SMTN: variants seen among roughly 807,000 people sequenced by gnomAD.
The protein encoded by SMTN is smoothelin.
SMTN carries 58 observed loss-of-function variants against 102.0 expected under a neutral mutation model. The ratio of observed to expected loss-of-function variants is 0.57; its 90% CI spans 0.46 to 0.71. SMTN has a LOEUF of 0.71. Ranked by LOEUF, SMTN falls within the 30% of genes least tolerant of loss-of-function variation. SMTN has a pLI of 0.00. For missense variants in SMTN, 1,185 were observed against 1,241.7 expected (o/e 0.95, Z 0.69); for synonymous variants, 478 against 497.9 (o/e 0.96, Z 0.53).
At position 31,098,640 on chromosome 22, in the gene SMTN, C is replaced by A. The variant is rs1462810418; in HGVS notation, c.2160-27C>A. On this transcript the variant is annotated intron_variant, in intron 16 of 20. Coordinates refer to ENST00000333137, the MANE Select transcript of SMTN (RefSeq NM_134269.3). ...CTGGGGAGCAGCCCTGCTCTCCCTG[C>A]CTAACATGCGCCTCCCCAACCCCTA... 1.9e-6 allele frequency: 3 copies of A among 1,609,324 alleles called. No homozygotes were observed. The South Asian group carries it at 3.3e-5, about 18-fold the overall frequency.
intron 11 of SMTN, chr22:31,092,493 G>T: frequency 2.1e-6 from 1 of 471,216 alleles, no homozygotes; most frequent in Non-Finnish European, 4.4e-6. Context: ...GAGCTCAGCC[G>T]GGAAAGGGAT....
At chr22:31,092,892 T>C (rs1372857184) in intron 11 of SMTN, among the ~76,000 whole-genome samples, 1 of 152,218 alleles carries the variant, frequency 6.6e-6, no homozygotes, top group African/African-American at 2.4e-5. Context: ...AGGGCATTTA[T>C]GTAAGACCAA....
In SMTN at chr22:31,091,209, G is replaced by A. The variant is rs116212683; in HGVS notation, c.1186G>A (p.Glu396Lys). The A allele has an allele frequency of 4.0e-5, 65 of 1,612,174 alleles. No homozygotes were observed. Among genetic ancestry groups the A allele is most frequent in the Non-Finnish European group, 5.5e-5 (65 of 1,179,392 alleles). ...PSDTSSRFSK[E>K]QRGVAQPLAQ... is the part of the protein sequence containing the mutation. ...TGATACCTCCTCCCGGTTCAGCAAG[G>A]AGCAACGAGGAGTAGCCCAGCCCCT... Residue 396 changes from glutamate to lysine, a missense_variant, in exon 10 of 21, where the codon GAG becomes AAG. By Grantham distance (56) the Glu-to-Lys change is moderately conservative (BLOSUM62 1). Transcript: ENST00000333137.
At chr22:31,104,245 C>A in intron 20 of SMTN, 71 bp from the exon 21 acceptor site, 3 of 1,563,762 alleles carry the variant, frequency 1.9e-6, no homozygotes, top group Non-Finnish European at 2.6e-6. Flanking sequence ...ATAAAAAAGA[C>A]CTTGGGGTAG....
chr22:31,077,678 T>G (rs1337071268), upstream of SMTN, among the ~76,000 whole-genome samples: 5 of 152,134 alleles, frequency 3.3e-5, no homozygotes, highest in African/African-American at 1.2e-4. Context: ...TCCTTCCTGT[T>G]CCAGCCCCTT....
chr22:31,089,210 T>A (rs918468099), intron 6 of SMTN, among the ~76,000 whole-genome samples: 6 of 152,206 alleles, frequency 3.9e-5, no homozygotes, highest in Non-Finnish European at 5.9e-5. Flanking sequence ...TTACCTTGGC[T>A]TATGGGGCCT....
In SMTN at chr22:31,087,958, A is replaced by C; in HGVS notation, c.52-7A>C. The C allele has an allele frequency of 1.3e-6, 2 of 1,582,652 alleles. 1 individual carries two copies. Among genetic ancestry groups the C allele is most frequent in the South Asian group, 2.3e-5 (2 of 88,484 alleles). On this transcript the variant is annotated splice_region_variant and splice_polypyrimidine_tract_variant and intron_variant, in intron 2 of 20. Coordinates refer to ENST00000333137, the MANE Select transcript of SMTN (RefSeq NM_134269.3). Reference sequence around the variant, plus strand: ...CCAAAATGACCTGCCTCTCGCACCCACTGCAGCTGGAGGTCACAGCAGATC... The same window carrying C: ...CCAAAATGACCTGCCTCTCGCACCCCCTGCAGCTGGAGGTCACAGCAGATC...
chr22:31,104,267 G>C, intron 20 of SMTN, 49 bp from the exon 21 acceptor site: 1 of 1,592,528 alleles, frequency 6.3e-7, no homozygotes, highest in Non-Finnish European at 8.6e-7. Context: ...GGGGCGCCAC[G>C]AGAGGCGGGT....
chr22:31,069,721 T>C (rs1250647668), intron 1 of SMTN, among the ~76,000 whole-genome samples: 1 of 152,138 alleles, frequency 6.6e-6, no homozygotes, highest in Non-Finnish European at 1.5e-5. Context: ...CCTAACTGTG[T>C]GCATGGCTCT....
chr22:31,095,402 C>T lies in SMTN; in HGVS notation c.1732C>T (p.Leu578=). ...VNKAPEGRSP[L]SAEELMTIED... is the part of the protein sequence containing the mutation. ...CAAAGCACCAGAAGGGCGGAGCCCTCTGAGCGCTGAGGAGCTGATGACTAT... is the reference window on the plus strand; with the variant it reads ...CAAAGCACCAGAAGGGCGGAGCCCTTTGAGCGCTGAGGAGCTGATGACTAT... Residue 578 remains leucine, a synonymous_variant, in exon 12 of 21, where the codon CTG becomes TTG. Coordinates refer to ENST00000333137, the MANE Select transcript of SMTN (RefSeq NM_134269.3). This position sits in a 1 kb window ranked among gnomAD's most constrained non-coding sequence, Gnocchi z 4.1. 1 of 1,614,250 alleles carries T rather than the reference C, an allele frequency of 6.2e-7. No individual in the cohort carries two copies. Among genetic ancestry groups the T allele is most frequent in the Non-Finnish European group, 8.5e-7 (1 of 1,180,038 alleles).
At chr22:31,065,258 T>C (rs530509252) in intron 1 of SMTN, 2 of 152,338 alleles carry the variant, frequency 1.3e-5, no homozygotes, top group South Asian at 2.1e-4. Flanking sequence ...TCTTTTATAA[T>C]TTTATAATAA....
At chr22:31,087,805 TA>T (rs2042805325) in intron 2 of SMTN, 159 bp from the exon 3 acceptor site, 4 of 665,962 alleles carry the variant, frequency 6.0e-6, no homozygotes, top group Non-Finnish European at 9.6e-6. Context: ...GGGCTGGGTC[TA>T]CCCCCGGGAC....
rs1174773737 is a variant in SMTN at position 31,098,652 on chromosome 22, C to T, written c.2160-15C>T. ...CCTGCTCTCCCTGCCTAACATGCGC[C>T]TCCCCAACCCCTAGCATCTTCGACC... On this transcript the variant is annotated splice_polypyrimidine_tract_variant and intron_variant, in intron 16 of 20. Transcript: ENST00000333137. 31 of 1,610,998 alleles carry T rather than the reference C, an allele frequency of 1.9e-5. No individual in the cohort carries two copies. Among genetic ancestry groups the T allele is most frequent in the Non-Finnish European group, 2.5e-5 (30 of 1,178,406 alleles).
At chr22:31,093,511 G>T in intron 11 of SMTN, 4 of 675,762 alleles carry the variant, frequency 5.9e-6, no homozygotes, top group Non-Finnish European at 1.1e-5. Flanking sequence ...GTTGGGCCGG[G>T]CACTGGAGGA....
chr22:31,100,904 C>A lies in SMTN; in HGVS notation c.2623C>A (p.Gln875Lys), dbSNP rs373854253. The change falls in exon 20 of 21, where the codon CAG (glutamine) becomes AAG (lysine). Residue 875 changes from glutamine (Q) to lysine (K), a missense_variant. Gln to Lys is a moderately conservative substitution (Grantham distance 53). Transcript: ENST00000333137. ...CCCCAGGACCCATGCGGACTGCCCG[C>A]AGCTCCTGGATACAGAGGACATGGT... ...SSAETHADCP[Q>K]LLDTEDMVRL... The A allele has an allele frequency of 1.2e-5, 20 of 1,607,642 alleles. No individual in the cohort carries two copies. The highest frequency in any genetic ancestry group is 1.7e-5 in the Admixed American group (1 of 59,636).
At chr22:31,104,115 T>C in intron 20 of SMTN, 1 of 609,398 alleles carries the variant, frequency 1.6e-6, no homozygotes, top group Non-Finnish European at 2.9e-6. Context: ...CCTGCCTAGC[T>C]CTGCTCCCCC....
At chr22:31,066,943 A>C (rs1244903409) in intron 1 of SMTN, 2 of 151,502 alleles carry the variant, frequency 1.3e-5, no homozygotes, top group African/African-American at 4.9e-5. Flanking sequence ...TTTTGTAAAG[A>C]CAGAGTTTTG....
At chr22:31,070,999 T>C (rs1317020305) in intron 1 of SMTN, among the ~76,000 whole-genome samples, 4 of 151,352 alleles carry the variant, frequency 2.6e-5, no homozygotes, top group Non-Finnish European at 5.9e-5. Flanking sequence ...CCCAATACTT[T>C]GGGAGGCAAG....
In SMTN at chr22:31,088,617, G is replaced by A; in HGVS notation, c.294+11G>A. Reference sequence around the variant, plus strand: ...GAATTGACTGCACTGGTGAGGCCCAGGCTGGGGCAGGGGATGGGGGCAGGG... The same window carrying A: ...GAATTGACTGCACTGGTGAGGCCCAAGCTGGGGCAGGGGATGGGGGCAGGG... On this transcript the variant is annotated intron_variant, in intron 4 of 20. Coordinates refer to ENST00000333137, the MANE Select transcript of SMTN (RefSeq NM_134269.3). 2.5e-6 allele frequency: 4 copies of A among 1,613,534 alleles called. No individual in the cohort carries two copies. The highest frequency in any genetic ancestry group is 3.4e-6 in the Non-Finnish European group (4 of 1,179,500).
Sources: gnomAD v4.1 joint callset for allele counts (sites outside exome capture counted in the v4.1 genomes callset) on GRCh38, gnomAD v4.1.1 for gene constraint, Gnocchi (gnomAD v3.1) non-coding constraint, MANE v1.5 for transcripts, NCBI Gene and HGNC (gene_info 2026-07-23, HGNC 2026-07-21) for gene names.